The following RGPD4 variants were observed in gnomAD, a reference collection of about 807,000 sequenced individuals.
RGPD4 encodes the protein ranBP2-like and GRIP domain-containing protein 4.
In RGPD4, 84 loss-of-function variants were observed where a neutral mutation model predicts 141.1. That is an observed-to-expected ratio of 0.60 (90% CI 0.50 to 0.71). RGPD4 has a LOEUF of 0.71. Ranked by LOEUF, RGPD4 falls within the 30% of genes least tolerant of loss-of-function variation. RGPD4 has a pLI of 0.00. For synonymous variants in RGPD4, 298 were observed against 566.8 expected (o/e 0.53, Z 6.74); for missense variants, 918 against 1,622.4 (o/e 0.57, Z 7.46).
At chr2:107,858,590 C>T (rs1682421508) in intron 9 of RGPD4, among the ~76,000 whole-genome samples, 1 of 152,202 alleles carries the variant, frequency 6.6e-6, no homozygotes, top group African/African-American at 2.4e-5. Flanking sequence ...AGGCACGTGA[C>T]ACCGTGCTCG....
chr2:107,880,259 C>CTTTTTTTTTT, intron 21 of RGPD4, among the ~76,000 whole-genome samples, 152 bp downstream of exon 21: 1 of 48,184 alleles, frequency 2.1e-5, no homozygotes, highest in Non-Finnish European at 3.4e-5. Flanking sequence ...GAAATATTGC[C>CTTTTTTTTTT]TTTTTTTTTT....
chr2:107,871,757 C>A lies in RGPD4; in HGVS notation c.3753C>A (p.Asn1251Lys). The A allele has an allele frequency of 6.2e-7, 1 of 1,611,270 alleles. No individual in the cohort carries two copies. Among genetic ancestry groups the A allele is most frequent in the Admixed American group, 1.7e-5 (1 of 59,974 alleles). The change falls in exon 20 of 23, where the codon AAC becomes AAA. Residue 1251 changes from asparagine to lysine, a missense_variant. Coordinates refer to ENST00000408999, the MANE Select transcript of RGPD4 (RefSeq NM_182588.3). The part of the protein sequence containing the change: ...ENTGPTLEWD[N>K]CDLREDALDD... ...CTGGGCCCACATTAGAATGGGATAA[C>A]TGTGATTTAAGGGAAGATGCTTTGG...
chr2:107,872,505 A>G lies in RGPD4; in HGVS notation c.4501A>G (p.Thr1501Ala), dbSNP rs760249455. The G allele has an allele frequency of 1.9e-6, 3 of 1,550,386 alleles. No individual in the cohort carries two copies. Among genetic ancestry groups the G allele is most frequent in the South Asian group, 2.3e-5 (2 of 86,604 alleles). The change falls in exon 20 of 23, where the codon ACA becomes GCA. Residue 1501 changes from threonine (T) to alanine (A), a missense_variant. Thr to Ala is a moderately conservative substitution (Grantham distance 58). Coordinates refer to ENST00000408999, the MANE Select transcript of RGPD4 (RefSeq NM_182588.3). The stretch of plus-strand genomic sequence containing the variant: ...TGCTGTAGCTGTATTAGAAGAAACC[A>G]CAAGAGAGAGGACAGATGTTATTCA... ...KIAVAVLEET[T>A]RERTDVIQGD...
At chr2:107,827,141 C>T in intron 1 of RGPD4, 56 bp downstream of exon 1, 2 of 565,098 alleles carry the variant, frequency 3.5e-6, no homozygotes, top group East Asian at 9.6e-5. Context: ...GCGGAGGCCT[C>T]GACCTGGCCC....
In RGPD4 at chr2:107,877,807, G is replaced by T. The variant is rs4012339; in HGVS notation, c.4925-2161G>T. Among the ~76,000 whole-genome samples, 183 of 150,568 alleles carry T rather than the reference G, an allele frequency of 1.2e-3. 1 individual carries two copies. The highest frequency in any genetic ancestry group is 4.2e-3 in the African/African-American group (170 of 40,068). Reference sequence around the variant, plus strand: ...CGTAGTTAAAAGTTTGATGACTAAGGTTTTTTTTGTTTGTTTTTTTGTTTT... The same window carrying T: ...CGTAGTTAAAAGTTTGATGACTAAGTTTTTTTTTGTTTGTTTTTTTGTTTT... On this transcript the variant is annotated intron_variant, in intron 20 of 22. Transcript: ENST00000408999.
Position 107,860,799 on chromosome 2 carries a change from G to C in RGPD4, c.1792G>C (p.Glu598Gln). ...SGLNSFYDQREYIGRSVHYWK... is the reference protein window; with the variant it reads ...SGLNSFYDQRQYIGRSVHYWK... ...TCTTAATTCTTTTTATGATCAACGA[G>C]AATACATAGGGAGAAGTGTTCATTA... Residue 598 changes from glutamate (E) to glutamine (Q), a missense_variant, in exon 13 of 23, where the codon GAA becomes CAA. Coordinates refer to ENST00000408999, the MANE Select transcript of RGPD4 (RefSeq NM_182588.3). The C allele has an allele frequency of 6.2e-7, 1 of 1,609,878 alleles. No homozygotes were observed. Among genetic ancestry groups the C allele is most frequent in the Non-Finnish European group, 8.5e-7 (1 of 1,179,448 alleles).
At chr2:107,885,581 G>T (rs1410148976) in intron 22 of RGPD4, among the ~76,000 whole-genome samples, 1 of 152,166 alleles carries the variant, frequency 6.6e-6, no homozygotes, top group African/African-American at 2.4e-5. Flanking sequence ...AGAACTCTAA[G>T]ATGTGCATTT....
Position 107,880,617 on chromosome 2 carries a change from C to T in RGPD4, c.5064+510C>T, listed in dbSNP as rs1271002666. On this transcript the variant is annotated intron_variant, in intron 21 of 22. Transcript: ENST00000408999. The stretch of plus-strand genomic sequence containing the variant: ...AGATTATTTCTTAATTCCTACTTTT[C>T]CTAAGAAACCGTAATAGATTTAGAA... 3.4e-4 allele frequency among the ~76,000 whole-genome samples: 52 copies of T among 150,770 alleles called. 5 individuals carry two copies. The highest frequency in any genetic ancestry group is 1.2e-3 in the African/African-American group (47 of 40,580).
rs2104459053 is a variant in RGPD4 at position 107,859,538 on chromosome 2, A to G, written c.1618A>G (p.Ile540Val). Residue 540 changes from isoleucine to valine, a missense_variant, in exon 11 of 23, where the codon ATT (isoleucine) becomes GTT (valine). By Grantham distance (29) the Ile-to-Val change is conservative. Coordinates refer to ENST00000408999, the MANE Select transcript of RGPD4 (RefSeq NM_182588.3). ...TTGGTGGGATGCGGTTTGTACTCTG[A>G]TTCACAGAAAAGCAGTGTAAGTAGT... ...KSWWDAVCTL[I>V]HRKAVPGNSA... The G allele has an allele frequency of 6.2e-7, 1 of 1,611,460 alleles. No individual in the cohort carries two copies. Among genetic ancestry groups the G allele is most frequent in the Non-Finnish European group, 8.5e-7 (1 of 1,179,818 alleles).
intron 20 of RGPD4, among the ~76,000 whole-genome samples, chr2:107,875,194 C>T (rs1481232276): frequency 2.7e-5 from 2 of 75,052 alleles, no homozygotes; most frequent in Non-Finnish European, 2.9e-5. Flanking sequence ...AATAAATTTT[C>T]TAGTAGCCAT....
intron 1 of RGPD4, among the ~76,000 whole-genome samples, chr2:107,831,241 TCTG>T: frequency 6.7e-6 from 1 of 149,220 alleles, no homozygotes; most frequent in Non-Finnish European, 1.5e-5. Context: ...CCAGATGGCT[TCTG>T]TTTAGTTTTT....
chr2:107,873,595 A>T (rs926733087), intron 20 of RGPD4, among the ~76,000 whole-genome samples: 17 of 129,426 alleles, frequency 1.3e-4, no homozygotes, highest in African/African-American at 5.0e-4. Context: ...AAAAAAAAAA[A>T]AAAAATATGA....
intron 22 of RGPD4, among the ~76,000 whole-genome samples, chr2:107,884,537 C>T (rs996277078): frequency 3.2e-4 from 47 of 147,688 alleles, no homozygotes; most frequent in African/African-American, 1.2e-3. Flanking sequence ...TAACACTGAG[C>T]TTGTTCCAAT....
At chr2:107,877,794 T>A (rs983793194) in intron 20 of RGPD4, among the ~76,000 whole-genome samples, 1 of 151,770 alleles carries the variant, frequency 6.6e-6, no homozygotes, top group Non-Finnish European at 1.5e-5. Flanking sequence ...TAGTTAAAAG[T>A]TTGATGACTA....
intron 1 of RGPD4, among the ~76,000 whole-genome samples, chr2:107,827,896 G>A (rs1418674440): frequency 5.6e-5 from 1 of 17,982 alleles, no homozygotes; most frequent in Non-Finnish European, 1.0e-4. Flanking sequence ...CGACCTGGCC[G>A]GGCGGCGGCG....
intron 4 of RGPD4, among the ~76,000 whole-genome samples, chr2:107,840,072 ATG>A (rs1302085450): frequency 7.0e-6 from 1 of 143,834 alleles, no homozygotes; most frequent in African/African-American, 2.6e-5. Context: ...CATTGGTACA[ATG>A]TGTATGTATA....
chr2:107,874,228 G>T (rs1483986364), intron 20 of RGPD4, among the ~76,000 whole-genome samples: 1 of 151,594 alleles, frequency 6.6e-6, no homozygotes, highest in Admixed American at 6.6e-5. Flanking sequence ...CAGTATGGAA[G>T]AGTGTCCCTG....
chr2:107,827,864 C>T lies in RGPD4; in HGVS notation c.72+779C>T, dbSNP rs1573452405. On this transcript the variant is annotated intron_variant, in intron 1 of 22. Coordinates refer to ENST00000408999, the MANE Select transcript of RGPD4 (RefSeq NM_182588.3). ...TCCCGACCGGCGCTGCTCCCTGGCG[C>T]GCTCTGTTGAGGCAGCGGCCTCGAC... Among the ~76,000 whole-genome samples, 2 of 25,478 alleles carry T rather than the reference C, an allele frequency of 7.8e-5. 1 individual carries two copies. The highest frequency in any genetic ancestry group is 4.7e-4 in the Admixed American group (2 of 4,290). 16.7% of individuals were successfully genotyped at this position (25,478 alleles called of 152,430 possible).
At chr2:107,831,097 A>T (rs1442148630) in intron 1 of RGPD4, among the ~76,000 whole-genome samples, 5 of 88,780 alleles carry the variant, frequency 5.6e-5, no homozygotes, top group Admixed American at 5.5e-4. Flanking sequence ...GAATTGCTTG[A>T]ACCCTGGAGG....
Sources: gnomAD v4.1 joint callset for allele counts (sites outside exome capture counted in the v4.1 genomes callset) on GRCh38, gnomAD v4.1.1 for gene constraint, MANE v1.5 for transcripts, NCBI Gene and HGNC (gene_info 2026-07-23, HGNC 2026-07-21) for gene names.